CHST9: variants seen among roughly 807,000 people sequenced by gnomAD.
CHST9 encodes the protein GalNAc-4-sulfotransferase 2.
In CHST9, 41 loss-of-function variants were observed where a neutral mutation model predicts 44.4. The observed-to-expected ratio is 0.92, with a 90% confidence interval of 0.72 to 1.20. The LOEUF (loss-of-function observed/expected upper bound fraction) is 1.20, where lower values mean the gene tolerates loss of function less well. Ranked by LOEUF, CHST9 falls within the 50% of genes most tolerant of loss-of-function variation. The pLI is 0.00. For missense variants in CHST9, 504 were observed against 516.5 expected, an observed-to-expected ratio of 0.98 and a Z score of 0.23; for synonymous variants, 171 against 178.4, an observed-to-expected ratio of 0.96 and a Z score of 0.33.
intron 2 of CHST9, among the ~76,000 whole-genome samples, chr18:27,105,348 CT>C (rs2058211857): frequency 6.6e-6 from 1 of 152,148 alleles, no homozygotes. Context: ...TCAATTTCTT[CT>C]CCTTGACTTC....
chr18:27,113,145 C>T (rs542865826), intron 2 of CHST9, among the ~76,000 whole-genome samples: 114 of 149,800 alleles, frequency 7.6e-4, no homozygotes, highest in South Asian at 2.7e-3. Context: ...GCGGAGATCA[C>T]GCCACTGCAC....
chr18:27,035,959 A>G (rs1190623346), intron 3 of CHST9, among the ~76,000 whole-genome samples: 1 of 152,190 alleles, frequency 6.6e-6, no homozygotes, highest in Non-Finnish European at 1.5e-5. Flanking sequence ...TTAACAATGT[A>G]TGCAAATATC....
chr18:27,061,719 A>G (rs1481279431), intron 2 of CHST9, among the ~76,000 whole-genome samples: 1 of 151,994 alleles, frequency 6.6e-6, no homozygotes, highest in African/African-American at 2.4e-5. Flanking sequence ...CACGTGCATG[A>G]GGCCCCTTGC....
chr18:26,967,723 G>C (rs994631294), intron 4 of CHST9, among the ~76,000 whole-genome samples: 25 of 152,256 alleles, frequency 1.6e-4, no homozygotes, highest in African/African-American at 6.0e-4. Context: ...AAGTATTGTT[G>C]TTCCTGGGTG....
intron 4 of CHST9, among the ~76,000 whole-genome samples, chr18:27,020,279 G>A (rs1267693936): frequency 6.6e-6 from 1 of 152,190 alleles, no homozygotes; most frequent in Non-Finnish European, 1.5e-5. Flanking sequence ...CACCTGTGGG[G>A]TTGAGGGTAG....
chr18:27,132,723 C>G (rs542532185), intron 2 of CHST9, among the ~76,000 whole-genome samples: 1 of 152,282 alleles, frequency 6.6e-6, no homozygotes, highest in South Asian at 2.1e-4. Flanking sequence ...CTCTGAAATT[C>G]AGTAAGCCTT....
rs140565198 is a variant in CHST9 at position 27,028,770 on chromosome 18, A to T, written c.161-4613T>A. On this transcript the variant is annotated intron_variant, in intron 3 of 5. Transcript: ENST00000618847. ...TCACCATGTTAGCCAGGATGGTCTC[A>T]ATCTCCTGACCTCGTGATCCGCCCG... is the stretch of plus-strand genomic sequence containing the variant. Among the ~76,000 whole-genome samples the T allele has an allele frequency of 9.3e-3, 1,408 of 152,010 alleles. 21 individuals are homozygous for T. The highest frequency in any genetic ancestry group is 0.033 in the African/African-American group (1,348 of 41,460).
At chr18:26,944,991 T>G (rs749144771) in intron 4 of CHST9, among the ~76,000 whole-genome samples, 1 of 152,142 alleles carries the variant, frequency 6.6e-6, no homozygotes, top group African/African-American at 2.4e-5. Context: ...TAATATAATA[T>G]ATTTCTCTGT....
At chr18:26,932,250 G>A (rs1239788861) in intron 5 of CHST9, among the ~76,000 whole-genome samples, 1 of 152,058 alleles carries the variant, frequency 6.6e-6, no homozygotes, top group Non-Finnish European at 1.5e-5. Context: ...CTGGACTTTG[G>A]GTCTCTCCTC....
chr18:26,973,242 C>T (rs1226194669), intron 4 of CHST9, among the ~76,000 whole-genome samples: 2 of 152,158 alleles, frequency 1.3e-5, no homozygotes, highest in African/African-American at 2.4e-5. Flanking sequence ...ACTGCTAGAA[C>T]GTAAGCTCCA....
intron 3 of CHST9, among the ~76,000 whole-genome samples, chr18:27,025,328 T>C (rs1225892357): frequency 3.3e-5 from 5 of 151,768 alleles, no homozygotes; most frequent in African/African-American, 1.2e-4. Context: ...TAAGCAATGG[T>C]AGGATTAATT....
chr18:27,055,979 T>C (rs2057650941), intron 2 of CHST9, among the ~76,000 whole-genome samples: 2 of 151,718 alleles, frequency 1.3e-5, no homozygotes, highest in Non-Finnish European at 2.9e-5. Flanking sequence ...CAAGATACGT[T>C]TGGCATATCC....
intron 1 of CHST9, among the ~76,000 whole-genome samples, chr18:27,162,243 C>A (rs934428168): frequency 1.3e-5 from 2 of 152,088 alleles, no homozygotes; most frequent in East Asian, 1.9e-4. Context: ...GCAGTGGCTG[C>A]TACTGGTTGT....
chr18:27,111,451 G>A (rs1282960952), intron 2 of CHST9, among the ~76,000 whole-genome samples: 4 of 152,218 alleles, frequency 2.6e-5, no homozygotes, highest in Non-Finnish European at 5.9e-5. Flanking sequence ...GTCTAGGCCA[G>A]TCAGGGCAGA....
At chr18:27,117,580 G>A (rs1367184937) in intron 2 of CHST9, among the ~76,000 whole-genome samples, 1 of 152,096 alleles carries the variant, frequency 6.6e-6, no homozygotes, top group Non-Finnish European at 1.5e-5. Context: ...GGCAACCACT[G>A]ATGTTTTTAC....
chr18:27,010,013 C>A (rs1480748517), intron 4 of CHST9, among the ~76,000 whole-genome samples: 3 of 152,200 alleles, frequency 2.0e-5, no homozygotes, highest in Admixed American at 2.0e-4. Flanking sequence ...TTATATCTAA[C>A]CCTCTAACCT....
chr18:27,056,635 T>G (rs887312820), intron 2 of CHST9, among the ~76,000 whole-genome samples: 1 of 152,226 alleles, frequency 6.6e-6, no homozygotes, highest in Non-Finnish European at 1.5e-5. Flanking sequence ...ATATTTATAA[T>G]GCTCTCACCT....
At chr18:27,116,077 T>C (rs548225920) in intron 2 of CHST9, among the ~76,000 whole-genome samples, 5 of 152,208 alleles carry the variant, frequency 3.3e-5, no homozygotes, top group Admixed American at 1.3e-4. Context: ...ATTTTTCCCA[T>C]CCTTTGGGTT....
chr18:27,147,367 G>C (rs542615394), intron 1 of CHST9, among the ~76,000 whole-genome samples: 1 of 152,184 alleles, frequency 6.6e-6, no homozygotes, highest in East Asian at 1.9e-4. Flanking sequence ...GCACCCAGCA[G>C]ACATTTATGA....
Sources: gnomAD v4.1 joint callset for allele counts (sites outside exome capture counted in the v4.1 genomes callset) on GRCh38, gnomAD v4.1.1 for gene constraint, MANE v1.5 for transcripts, NCBI Gene and HGNC (gene_info 2026-07-23, HGNC 2026-07-21) for gene names.